The following ADAMTS6 variants were observed in gnomAD, a reference collection of about 807,000 sequenced individuals.
ADAMTS6 encodes the protein A disintegrin and metalloproteinase with thrombospondin motifs 6.
ADAMTS6 carries 23 observed loss-of-function variants against 144.3 expected under a neutral mutation model. That is an observed-to-expected ratio of 0.16 (90% CI 0.11 to 0.23). The LOEUF (loss-of-function observed/expected upper bound fraction) is 0.23. Ranked by LOEUF, ADAMTS6 falls within the 10% of genes least tolerant of loss-of-function variation. The pLI, the probability that ADAMTS6 is intolerant of heterozygous loss-of-function variation, is 1.00. For synonymous variants in ADAMTS6, 444 were observed against 457.5 expected, an observed-to-expected ratio of 0.97 and a Z score of 0.38; for missense variants, 999 against 1,379.6, an observed-to-expected ratio of 0.72 and a Z score of 4.37.
Position 65,416,107 on chromosome 5 carries a change from G to A in ADAMTS6, c.1073+35368C>T, listed in dbSNP as rs111229248. 6.2e-3 allele frequency: 1,212 copies of A among 194,526 alleles called. 14 individuals carry two copies. Among genetic ancestry groups the A allele is most frequent in the African/African-American group, 0.027 (1,135 of 42,666 alleles). The allele number at this position is 194,526 out of a possible 1,614,324, so 12.0% of individuals were successfully genotyped here. ...TACAGCCACCTGACCCCTGACCTCC[G>A]GAAGGAGACTGTATTCACCAAGTCT... On this transcript the variant is annotated intron_variant, in intron 7 of 24. Transcript: ENST00000381055.
At chr5:65,466,330 T>C (rs1216582629) in intron 3 of ADAMTS6, among the ~76,000 whole-genome samples, 1 of 152,188 alleles carries the variant, frequency 6.6e-6, no homozygotes. Flanking sequence ...TAAGATCATA[T>C]CTTTGTACTT....
intron 7 of ADAMTS6, among the ~76,000 whole-genome samples, chr5:65,412,451 C>A (rs934162918): frequency 6.6e-6 from 1 of 151,978 alleles, no homozygotes; most frequent in Non-Finnish European, 1.5e-5. Flanking sequence ...CGCACACACA[C>A]AATACTTGAC....
At chr5:65,476,647 C>T (rs1219236637) in intron 1 of ADAMTS6, among the ~76,000 whole-genome samples, 1 of 151,764 alleles carries the variant, frequency 6.6e-6, no homozygotes, top group South Asian at 2.1e-4. Context: ...TTGCTCTTGT[C>T]GCCCATGCTG....
chr5:65,174,335 G>A (rs111554342), intron 22 of ADAMTS6, among the ~76,000 whole-genome samples: 18,140 of 152,158 alleles, frequency 0.12, 1,541 homozygotes, highest in African/African-American at 0.23. Flanking sequence ...ACAGACAGTC[G>A]GACGGTCGAG....
intron 7 of ADAMTS6, among the ~76,000 whole-genome samples, chr5:65,405,786 T>C (rs1329424691): frequency 1.3e-5 from 2 of 152,210 alleles, no homozygotes; most frequent in African/African-American, 4.8e-5. Context: ...GAGCATGGAA[T>C]GTTCTTCCAT....
intron 7 of ADAMTS6, among the ~76,000 whole-genome samples, chr5:65,444,293 G>A (rs1758097727): frequency 6.6e-6 from 1 of 152,190 alleles, no homozygotes; most frequent in East Asian, 1.9e-4. Context: ...TTGGGAGGCG[G>A]AGGCAGGAGA....
intron 7 of ADAMTS6, among the ~76,000 whole-genome samples, chr5:65,438,378 A>C (rs1052210801): frequency 1.3e-4 from 20 of 152,056 alleles, no homozygotes; most frequent in African/African-American, 4.8e-4. Context: ...AACACAAAAA[A>C]TTAGCCAGCC....
chr5:65,316,338 T>C (rs1032413863), intron 9 of ADAMTS6, among the ~76,000 whole-genome samples: 4 of 152,208 alleles, frequency 2.6e-5, no homozygotes, highest in Non-Finnish European at 4.4e-5. Context: ...ATGACATTTA[T>C]AGAATACTCC....
At chr5:65,398,964 A>C (rs1753684460) in intron 7 of ADAMTS6, among the ~76,000 whole-genome samples, 1 of 152,160 alleles carries the variant, frequency 6.6e-6, no homozygotes. Context: ...TTATATTTAA[A>C]GTGGATTTCT....
At chr5:65,268,320 CAAGG>C (rs1761787282) in intron 12 of ADAMTS6, among the ~76,000 whole-genome samples, 1 of 152,194 alleles carries the variant, frequency 6.6e-6, no homozygotes, top group African/African-American at 2.4e-5. Context: ...ACAGGGATTA[CAAGG>C]ATTGGGTTTT....
intron 24 of ADAMTS6, among the ~76,000 whole-genome samples, chr5:65,156,467 G>C (rs1204863004): frequency 1.3e-5 from 2 of 152,050 alleles, no homozygotes; most frequent in Admixed American, 6.6e-5. Flanking sequence ...CAAATGTTCT[G>C]TTTTAATTTC....
chr5:65,447,422 G>A (rs2150242452), intron 7 of ADAMTS6, among the ~76,000 whole-genome samples: 1 of 152,176 alleles, frequency 6.6e-6, no homozygotes, highest in South Asian at 2.1e-4. Flanking sequence ...TTACAATGTT[G>A]AGATATATCT....
chr5:65,388,590 G>C (rs1752661980), intron 7 of ADAMTS6, among the ~76,000 whole-genome samples: 1 of 152,196 alleles, frequency 6.6e-6, no homozygotes, highest in Non-Finnish European at 1.5e-5. Context: ...GATTAGATCT[G>C]ATAATACAGT....
In ADAMTS6 at chr5:65,397,181, T is replaced by A. The variant is rs145144830; in HGVS notation, c.1073+54294A>T. ...TTAATGTTCACAGGATCTGTGGATGTTCCCTCTTTCATTTCTAGTATTAGT... is the reference window on the plus strand; with the variant it reads ...TTAATGTTCACAGGATCTGTGGATGATCCCTCTTTCATTTCTAGTATTAGT... On this transcript the variant is annotated intron_variant, in intron 7 of 24. Transcript: ENST00000381055. Among the ~76,000 whole-genome samples the A allele has an allele frequency of 8.9e-4, 135 of 152,300 alleles. 1 individual carries two copies. The highest frequency in any genetic ancestry group is 3.0e-3 in the African/African-American group (125 of 41,574).
At chr5:65,452,043 T>C in intron 6 of ADAMTS6, 90 bp downstream of exon 6, 2 of 1,048,916 alleles carry the variant, frequency 1.9e-6, no homozygotes, top group South Asian at 2.2e-5. Context: ...ATAGAAGCAA[T>C]AATAAAACAT....
At chr5:65,388,143 G>C (rs1752625753) in intron 7 of ADAMTS6, among the ~76,000 whole-genome samples, 1 of 152,160 alleles carries the variant, frequency 6.6e-6, no homozygotes, top group East Asian at 1.9e-4. Context: ...CCAGGAGGCA[G>C]AGTTGCGGTG....
At chr5:65,476,587 T>C (rs1369237196) in intron 1 of ADAMTS6, among the ~76,000 whole-genome samples, 1 of 152,182 alleles carries the variant, frequency 6.6e-6, no homozygotes, top group Non-Finnish European at 1.5e-5. Flanking sequence ...TCAACAGTAG[T>C]TAATAACAAC....
At chr5:65,395,903 A>G (rs1208449061) in intron 7 of ADAMTS6, among the ~76,000 whole-genome samples, 1 of 152,256 alleles carries the variant, frequency 6.6e-6, no homozygotes, top group Non-Finnish European at 1.5e-5. Flanking sequence ...CAGGCACAGT[A>G]ACTATGACAG....
chr5:65,302,547 A>G (rs1743545840), intron 9 of ADAMTS6, among the ~76,000 whole-genome samples: 1 of 151,814 alleles, frequency 6.6e-6, no homozygotes, highest in Non-Finnish European at 1.5e-5. Context: ...AAGAACACCA[A>G]TATTTGGTAT....
Sources: allele counts gnomAD v4.1 joint callset (sites outside exome capture counted in the v4.1 genomes callset), GRCh38; gene constraint gnomAD v4.1.1; transcripts MANE v1.5; gene names NCBI Gene and HGNC (gene_info 2026-07-23, HGNC 2026-07-21).